FSIP2: variants seen among roughly 807,000 people sequenced by gnomAD.
The protein encoded by FSIP2 is fibrous sheath interacting protein 2, also known as fibrous sheath-interacting protein 2.
A neutral mutation model predicts 510.5 loss-of-function variants in FSIP2; 367 were observed. That is an observed-to-expected ratio of 0.72 (90% confidence interval 0.66 to 0.78). The LOEUF is 0.78. Among genes scored for constraint, FSIP2 ranks in the 30% least tolerant of loss-of-function variants. FSIP2 has a pLI of 0.00. For missense variants in FSIP2, 7,594 were observed against 7,901.7 expected (o/e 0.96, Z 1.48); for synonymous variants, 2,601 against 2,732.2 (o/e 0.95, Z 1.50).
chr2:185,756,317 CAA>C (rs1692245576), intron 9 of FSIP2, 39 bp downstream of exon 9: 1 of 728,812 alleles, frequency 1.4e-6, no homozygotes, highest in Non-Finnish European at 2.1e-6. Context: ...AGATACTAAA[CAA>C]TAATTTGGGG....
chr2:185,810,894 A>C (rs1359067614), intron 17 of FSIP2, among the ~76,000 whole-genome samples: 1 of 152,074 alleles, frequency 6.6e-6, no homozygotes, highest in Non-Finnish European at 1.5e-5. Context: ...TCAGATGGAA[A>C]TGAGGAATTT....
rs764544813 is a variant in FSIP2, at chr2:185,788,969, G to A, written c.1833G>A (p.Val611=). The A allele has an allele frequency of 4.0e-5, 61 of 1,534,518 alleles. No individual in the cohort carries two copies. The African/African-American group carries it at 7.9e-4, about 20-fold the overall frequency. The part of the protein sequence containing the change: ...PPPAHVEKTV[V]GKTCHIKGQS... The stretch of plus-strand genomic sequence containing the variant: ...CTGCACATGTGGAAAAAACAGTTGT[G>A]GGGAAAACATGTCACATAAAAGGAC... The change falls in exon 16 of 23, where the codon GTG becomes GTA. Residue 611 remains valine (V), a synonymous_variant. Coordinates refer to ENST00000424728, the MANE Select transcript of FSIP2 (RefSeq NM_173651.4).
chr2:185,791,139 G>A lies in FSIP2; in HGVS notation c.4003G>A (p.Ala1335Thr). 6.5e-7 allele frequency: 1 copy of A among 1,532,180 alleles called. No homozygotes were observed. Among genetic ancestry groups the A allele is most frequent in the Non-Finnish European group, 8.7e-7 (1 of 1,144,634 alleles). The allele number at this position is 1,532,180 out of a possible 1,614,324, so 94.9% of individuals were successfully genotyped here. A position where few individuals can be genotyped will look rare whatever the true frequency, so the allele number is the denominator to read the frequency against. The change falls in exon 16 of 23, where the codon GCT becomes ACT. Residue 1335 changes from alanine to threonine, a missense_variant. By Grantham distance (58) the Ala-to-Thr change is moderately conservative (BLOSUM62 0). Transcript: ENST00000424728. ...TKSLTDKGFF[A>T]NTDKKLESLV... ...ATCCCTTACAGATAAAGGATTTTTT[G>A]CTAATACTGATAAAAAATTAGAATC...
Position 185,738,854 on chromosome 2 carries a change from G to T in FSIP2, c.-41G>T. 3 of 1,531,514 alleles carry T rather than the reference G, an allele frequency of 2.0e-6. No homozygotes were observed. In the East Asian group the frequency reaches 7.4e-5, roughly 38 times the overall value. 94.9% of individuals were successfully genotyped at this position (1,531,514 alleles called of 1,614,324 possible). ...GACAACGGGGTGCTAGAGAAGGAGA[G>T]CGGGGCGGGTGAGGAAGGGGCTGAG... is the stretch of plus-strand genomic sequence containing the variant. On this transcript the variant is annotated 5_prime_UTR_variant, in exon 1 of 23. Coordinates refer to ENST00000424728, the MANE Select transcript of FSIP2 (RefSeq NM_173651.4).
upstream of FSIP2, among the ~76,000 whole-genome samples, chr2:185,737,663 A>G (rs1333195941): frequency 6.6e-6 from 1 of 152,186 alleles, no homozygotes; most frequent in Non-Finnish European, 1.5e-5. Context: ...GAGATAGGAA[A>G]TGCAGGAAGA....
chr2:185,743,142 CCTT>C lies in FSIP2; in HGVS notation c.239_241del (p.Ser80del). On this transcript the variant is annotated inframe_deletion, in exon 3 of 23. Transcript: ENST00000424728. ...GAATCTGTGTTTGCAGCTTTTTCGA[CCTT>C]CTTATGGTTTTAACCTGACTGATCC... 3 of 1,469,666 alleles carry C rather than the reference CCTT, an allele frequency of 2.0e-6. No individual in the cohort carries two copies. Among genetic ancestry groups the C allele is most frequent in the South Asian group, 1.4e-5 (1 of 72,690 alleles). The allele number at this position is 1,469,666 out of a possible 1,614,324, so 91.0% of individuals were successfully genotyped here. A position where few individuals can be genotyped will look rare whatever the true frequency, so the allele number is the denominator to read the frequency against.
chr2:185,807,305 C>T lies in FSIP2; in HGVS notation c.17999C>T (p.Thr6000Ile), dbSNP rs1170470477. 2 of 1,612,556 alleles carry T rather than the reference C, an allele frequency of 1.2e-6. No individual in the cohort carries two copies. The highest frequency in any genetic ancestry group is 1.3e-5 in the African/African-American group (1 of 74,842). Reference sequence around the variant, plus strand: ...CAAACAGCCAGCAAAGAATGTCAAACTTCATCACCATATACAATAATATTA... The same window carrying T: ...CAAACAGCCAGCAAAGAATGTCAAATTTCATCACCATATACAATAATATTA... ...LAQTASKECQTSSPYTIILPH... is the reference protein window; with the variant it reads ...LAQTASKECQISSPYTIILPH... Residue 6000 changes from threonine to isoleucine, a missense_variant, in exon 17 of 23, where the codon ACT (threonine) becomes ATT (isoleucine). Thr to Ile is a moderately conservative substitution (Grantham distance 89, BLOSUM62 -1). Coordinates refer to ENST00000424728, the MANE Select transcript of FSIP2 (RefSeq NM_173651.4).
intron 17 of FSIP2, 73 bp downstream of exon 17, chr2:185,809,206 A>T: frequency 6.8e-7 from 1 of 1,474,442 alleles, no homozygotes; most frequent in Non-Finnish European, 9.0e-7. Flanking sequence ...CCTTCCTCAA[A>T]TAAGTATATG....
Position 185,805,689 on chromosome 2 carries a change from T to C in FSIP2, c.16383T>C (p.Thr5461=). The part of the protein sequence containing the change: ...STPDCKNMMS[T]LEINRGTMNR... Reference sequence around the variant, plus strand: ...CAGATTGCAAAAACATGATGAGCACTTTGGAAATAAATAGAGGTACAATGA... The same window carrying C: ...CAGATTGCAAAAACATGATGAGCACCTTGGAAATAAATAGAGGTACAATGA... The change falls in exon 17 of 23, where the codon ACT becomes ACC. Residue 5461 remains threonine (T), a synonymous_variant. Transcript: ENST00000424728. The C allele has an allele frequency of 6.2e-7, 1 of 1,610,626 alleles. No homozygotes were observed. The highest frequency in any genetic ancestry group is 8.5e-7 in the Non-Finnish European group (1 of 1,178,478).
At chr2:185,738,731 C>G (rs1691840073), upstream of FSIP2, 2 of 1,535,894 alleles carry the variant, frequency 1.3e-6, no homozygotes, top group Admixed American at 3.9e-5. Flanking sequence ...CAGGAGGCCA[C>G]CGCCCTTCTG....
chr2:185,802,498 A>G lies in FSIP2; in HGVS notation c.13192A>G (p.Ser4398Gly). 1 of 1,532,734 alleles carries G rather than the reference A, an allele frequency of 6.5e-7. No individual in the cohort carries two copies. The highest frequency in any genetic ancestry group is 8.7e-7 in the Non-Finnish European group (1 of 1,145,040). The allele number at this position is 1,532,734 out of a possible 1,614,324, so 94.9% of individuals were successfully genotyped here. The part of the protein sequence containing the change: ...DLAVDKESED[S>G]GIFVENITNL... ...TGCTGTTGATAAAGAGTCTGAAGAC[A>G]GTGGCATTTTTGTGGAAAATATTAC... The change falls in exon 17 of 23, where the codon AGT becomes GGT. Residue 4398 changes from serine (S) to glycine (G), a missense_variant. Ser to Gly is a moderately conservative substitution (Grantham distance 56, BLOSUM62 0). Transcript: ENST00000424728.
Position 185,807,460 on chromosome 2 carries a change from G to A in FSIP2, c.18154G>A (p.Val6052Ile), listed in dbSNP as rs772089245. 3 of 1,612,500 alleles carry A rather than the reference G, an allele frequency of 1.9e-6. No homozygotes were observed. Among genetic ancestry groups the A allele is most frequent in the Admixed American group, 3.3e-5 (2 of 59,896 alleles). Residue 6052 changes from valine (V) to isoleucine (I), a missense_variant, in exon 17 of 23, where the codon GTA (valine) becomes ATA (isoleucine). Physicochemically the swap from Val to Ile is conservative, Grantham distance 29. Transcript: ENST00000424728. ...TELNFLQMKL[V>I]SAVATEISQD... ...ACTGAATTTCCTTCAAATGAAGTTA[G>A]TAAGTGCAGTTGCAACAGAGATCTC...
chr2:185,794,505 G>C lies in FSIP2; in HGVS notation c.7369G>C (p.Glu2457Gln). The C allele has an allele frequency of 6.6e-7, 1 of 1,523,152 alleles. No individual in the cohort carries two copies. Among genetic ancestry groups the C allele is most frequent in the Non-Finnish European group, 8.8e-7 (1 of 1,142,708 alleles). The allele number at this position is 1,523,152 out of a possible 1,614,324, so 94.4% of individuals were successfully genotyped here. Residue 2457 changes from glutamate to glutamine, a missense_variant, in exon 16 of 23, where the codon GAA (glutamate) becomes CAA (glutamine). Glu to Gln is a conservative substitution (Grantham distance 29). Transcript: ENST00000424728. ...ATTAGAGCAAAACCAAATGATATTG[G>C]AAAACAAAAGGCAGATAATTGTTTT... Reference protein sequence around the residue: ...YPLEQNQMILENKRQIIVLEE... With the variant: ...YPLEQNQMILQNKRQIIVLEE...
Position 185,794,662 on chromosome 2 carries a change from A to C in FSIP2, c.7526A>C (p.Asn2509Thr). Residue 2509 changes from asparagine to threonine, a missense_variant, in exon 16 of 23, where the codon AAT becomes ACT. Asn to Thr is a moderately conservative substitution (Grantham distance 65). Coordinates refer to ENST00000424728, the MANE Select transcript of FSIP2 (RefSeq NM_173651.4). ...REVTGHLPPL[N>T]ETANFISNSK... ...GTCACAGGCCATTTGCCTCCACTTA[A>C]TGAAACTGCCAACTTTATATCTAAT... is the stretch of plus-strand genomic sequence containing the variant. 1 of 1,533,024 alleles carries C rather than the reference A, an allele frequency of 6.5e-7. No individual in the cohort carries two copies. The highest frequency in any genetic ancestry group is 8.7e-7 in the Non-Finnish European group (1 of 1,145,386). The allele number at this position is 1,533,024 out of a possible 1,614,324, so 95.0% of individuals were successfully genotyped here. A position where few individuals can be genotyped will look rare whatever the true frequency, so the allele number is the denominator to read the frequency against.
In FSIP2 at chr2:185,801,665, A is replaced by G; in HGVS notation, c.12359A>G (p.Asn4120Ser). ...ATTATATTGCAAAAGCTTCAAAGTA[A>G]CCTAACAGAATTTACTTCTCTACCC... ...PEIILQKLQS[N>S]LTEFTSLPRS... is the part of the protein sequence containing the mutation. The change falls in exon 17 of 23, where the codon AAC becomes AGC. Residue 4120 changes from asparagine to serine, a missense_variant. By Grantham distance (46) the Asn-to-Ser change is conservative. Coordinates refer to ENST00000424728, the MANE Select transcript of FSIP2 (RefSeq NM_173651.4). 6.5e-7 allele frequency: 1 copy of G among 1,528,574 alleles called. No individual in the cohort carries two copies. The highest frequency in any genetic ancestry group is 8.7e-7 in the Non-Finnish European group (1 of 1,143,334). The allele number at this position is 1,528,574 out of a possible 1,614,324, so 94.7% of individuals were successfully genotyped here. A position where few individuals can be genotyped will look rare whatever the true frequency, so the allele number is the denominator to read the frequency against.
chr2:185,771,712 C>T (rs984037601), intron 13 of FSIP2, among the ~76,000 whole-genome samples: 8 of 152,142 alleles, frequency 5.3e-5, no homozygotes, highest in Admixed American at 3.9e-4. Context: ...TGGTTGTTAA[C>T]ACTTGGCCCC....
intron 14 of FSIP2, among the ~76,000 whole-genome samples, chr2:185,783,035 C>T (rs1055953261): frequency 1.4e-4 from 21 of 152,222 alleles, no homozygotes; most frequent in African/African-American, 4.8e-4. Context: ...AGCCTTCTTC[C>T]GGTAGCTTCT....
chr2:185,811,110 T>G (rs892473963), intron 17 of FSIP2, among the ~76,000 whole-genome samples: 25 of 151,028 alleles, frequency 1.7e-4, no homozygotes, highest in Non-Finnish European at 3.2e-4. Context: ...TATTCTCAGA[T>G]GCAGGAGGAA....
At chr2:185,775,732 C>G (rs1004589190) in intron 13 of FSIP2, among the ~76,000 whole-genome samples, 1 of 152,122 alleles carries the variant, frequency 6.6e-6, no homozygotes, top group Non-Finnish European at 1.5e-5. Flanking sequence ...GGTGCAATCT[C>G]GGCTCACTGC....
Sources: gnomAD v4.1 joint callset for allele counts (sites outside exome capture counted in the v4.1 genomes callset) on GRCh38, gnomAD v4.1.1 for gene constraint, MANE v1.5 for transcripts, NCBI Gene and HGNC (gene_info 2026-07-23, HGNC 2026-07-21) for gene names.